The following DCDC2 variants were observed in gnomAD, a reference collection of about 807,000 sequenced individuals.
DCDC2 encodes the protein doublecortin domain containing 2.
DCDC2 carries 40 observed loss-of-function variants against 50.2 expected under a neutral mutation model. The observed-to-expected ratio is 0.80, with a 90% confidence interval of 0.62 to 1.04. The LOEUF (loss-of-function observed/expected upper bound fraction) is 1.04, where lower values mean the gene tolerates loss of function less well. Among genes scored for constraint, DCDC2 ranks in the 50% least tolerant of loss-of-function variants. DCDC2 has a pLI of 0.00. For synonymous variants in DCDC2, 234 were observed against 210.6 expected, an observed-to-expected ratio of 1.11 and a Z score of -0.96; for missense variants, 570 against 581.9, an observed-to-expected ratio of 0.98 and a Z score of 0.21.
At chr6:24,371,046 C>G in the DCDC2 span, among the ~76,000 whole-genome samples, 12 of 152,150 alleles carry the variant, frequency 7.9e-5, no homozygotes, top group African/African-American at 2.7e-4. Flanking sequence ...GAGGCCGAGG[C>G]AGGTGGATCA....
At chr6:24,335,885 C>T (rs1760049741) in intron 2 of DCDC2, among the ~76,000 whole-genome samples, 1 of 152,132 alleles carries the variant, frequency 6.6e-6, no homozygotes, top group African/African-American at 2.4e-5. Flanking sequence ...CCTGGTCCCA[C>T]CCTCCACATG....
chr6:24,364,403 G>A, the DCDC2 span, among the ~76,000 whole-genome samples: 2 of 152,046 alleles, frequency 1.3e-5, no homozygotes, highest in Non-Finnish European at 2.9e-5. Flanking sequence ...CTCCCAAGTA[G>A]GTAGGACTAC....
chr6:24,347,423 G>A (rs1209163324), intron 2 of DCDC2, among the ~76,000 whole-genome samples: 1 of 152,008 alleles, frequency 6.6e-6, no homozygotes, highest in Non-Finnish European at 1.5e-5. Context: ...GATAAGTTCT[G>A]CACCCACAGA....
At chr6:24,206,122 C>T (rs1761714038) in intron 7 of DCDC2, among the ~76,000 whole-genome samples, 1 of 152,150 alleles carries the variant, frequency 6.6e-6, no homozygotes, top group African/African-American at 2.4e-5. Flanking sequence ...ATTGCTAAAG[C>T]TATGAAGTCA....
chr6:24,221,845 C>T (rs565290791), intron 7 of DCDC2, among the ~76,000 whole-genome samples: 2 of 152,306 alleles, frequency 1.3e-5, no homozygotes, highest in East Asian at 3.9e-4. Flanking sequence ...TTACACCCAT[C>T]GTTATCTACA....
At chr6:24,232,407 C>T (rs977864087) in intron 7 of DCDC2, among the ~76,000 whole-genome samples, 2 of 152,142 alleles carry the variant, frequency 1.3e-5, no homozygotes, top group Non-Finnish European at 2.9e-5. Context: ...CTTGCAAGTT[C>T]GCAAAGTCAA....
chr6:24,364,659 T>C, the DCDC2 span, among the ~76,000 whole-genome samples: 1 of 152,044 alleles, frequency 6.6e-6, no homozygotes, highest in African/African-American at 2.4e-5. Flanking sequence ...AAGGAAAATA[T>C]ATTAAGTTTA....
At chr6:24,260,479 C>A (rs1172346565) in intron 7 of DCDC2, among the ~76,000 whole-genome samples, 1 of 152,154 alleles carries the variant, frequency 6.6e-6, no homozygotes, top group Admixed American at 6.5e-5. Flanking sequence ...TAAATTATAA[C>A]CTCAGGGTGA....
intron 7 of DCDC2, among the ~76,000 whole-genome samples, chr6:24,251,499 G>C (rs1762792427): frequency 6.6e-6 from 1 of 152,152 alleles, no homozygotes; most frequent in African/African-American, 2.4e-5. Context: ...ATCTCAGAGA[G>C]AACTCTGCGG....
At chr6:24,317,211 T>C (rs186775426) in intron 2 of DCDC2, among the ~76,000 whole-genome samples, 118 of 152,196 alleles carry the variant, frequency 7.8e-4, no homozygotes, top group African/African-American at 2.5e-3. Flanking sequence ...ACTATACTTA[T>C]TCTAAACTAC....
At chr6:24,271,442 A>T (rs1331922816) in intron 7 of DCDC2, among the ~76,000 whole-genome samples, 2 of 152,030 alleles carry the variant, frequency 1.3e-5, no homozygotes, top group African/African-American at 4.8e-5. Flanking sequence ...AAGATGTGAC[A>T]ATCCCAAACT....
At chr6:24,242,452 G>T (rs748880789) in intron 7 of DCDC2, among the ~76,000 whole-genome samples, 11 of 152,084 alleles carry the variant, frequency 7.2e-5, no homozygotes, top group African/African-American at 9.7e-5. Flanking sequence ...CCTGGAGAAG[G>T]TTTATTTCAG....
At chr6:24,349,377 A>G (rs1434568451) in intron 2 of DCDC2, among the ~76,000 whole-genome samples, 1 of 152,250 alleles carries the variant, frequency 6.6e-6, no homozygotes, top group Non-Finnish European at 1.5e-5. Flanking sequence ...ACTGCATTGT[A>G]TAGGCATTCA....
intron 7 of DCDC2, among the ~76,000 whole-genome samples, chr6:24,221,869 A>G (rs1762126906): frequency 6.6e-6 from 1 of 152,202 alleles, no homozygotes; most frequent in Non-Finnish European, 1.5e-5. Context: ...CCTTGGAGGA[A>G]GCATCACCAC....
At chr6:24,343,200 A>C (rs2127249933) in intron 2 of DCDC2, among the ~76,000 whole-genome samples, 1 of 152,160 alleles carries the variant, frequency 6.6e-6, no homozygotes, top group South Asian at 2.1e-4. Context: ...GGCGTCTGCC[A>C]CCATGCCCAG....
At chr6:24,381,803 A>AAAGGAAC in the DCDC2 span, among the ~76,000 whole-genome samples, 2 of 67,262 alleles carry the variant, frequency 3.0e-5, no homozygotes, top group Non-Finnish European at 5.6e-5. Flanking sequence ...GGAAGGAAAG[A>AAAGGAAC]AAGGAAGGAA....
chr6:24,179,314 G>A (rs531828102), intron 8 of DCDC2, among the ~76,000 whole-genome samples: 3 of 152,084 alleles, frequency 2.0e-5, no homozygotes, highest in East Asian at 1.9e-4. Context: ...TTGGGAGGCC[G>A]AGGCGGGCAG....
At chr6:24,221,856 G>C (rs1172377089) in intron 7 of DCDC2, among the ~76,000 whole-genome samples, 2 of 152,158 alleles carry the variant, frequency 1.3e-5, no homozygotes, top group African/African-American at 4.8e-5. Context: ...GTTATCTACA[G>C]AACCTTGGAG....
the DCDC2 span, among the ~76,000 whole-genome samples, chr6:24,363,138 G>A: frequency 0.013 from 1,970 of 152,274 alleles, 27 homozygotes; most frequent in Non-Finnish European, 0.018. Flanking sequence ...GTATATGAAA[G>A]GCATTGAGAA....
Sources: allele counts gnomAD v4.1 joint callset (sites outside exome capture counted in the v4.1 genomes callset), GRCh38; gene constraint gnomAD v4.1.1; transcripts MANE v1.5; gene names NCBI Gene and HGNC (gene_info 2026-07-23, HGNC 2026-07-21).